Variants in ATP2C2 observed in about 807,000 individuals in gnomAD.
ATP2C2 encodes the protein calcium-transporting ATPase type 2C member 2.
A neutral mutation model predicts 110.8 loss-of-function variants in ATP2C2; 171 were observed. That is an observed-to-expected ratio of 1.54 (90% confidence interval 1.36 to 1.75). The LOEUF is 1.75. Among genes scored for constraint, ATP2C2 ranks in the 40% most tolerant of loss-of-function variants. The pLI is 0.00. For synonymous variants in ATP2C2, 804 were observed against 508.4 expected, an observed-to-expected ratio of 1.58 and a Z score of -7.82; for missense variants, 1,963 against 1,235.0, an observed-to-expected ratio of 1.59 and a Z score of -8.84.
chr16:84,450,611 C>T (rs562341102), intron 17 of ATP2C2, among the ~76,000 whole-genome samples: 6 of 152,222 alleles, frequency 3.9e-5, no homozygotes, highest in South Asian at 2.1e-4. Flanking sequence ...AGGGCGCCAG[C>T]GTCATTGGCG....
At chr16:84,386,499 C>G (rs1054270128) in intron 1 of ATP2C2, among the ~76,000 whole-genome samples, 1 of 152,228 alleles carries the variant, frequency 6.6e-6, no homozygotes, top group Non-Finnish European at 1.5e-5. Flanking sequence ...GGCCACCACT[C>G]TGCCTAGCCG....
chr16:84,445,320 T>G, intron 15 of ATP2C2, among the ~76,000 whole-genome samples: 1 of 151,982 alleles, frequency 6.6e-6, no homozygotes, highest in Non-Finnish European at 1.5e-5. Context: ...GCGATTCTCC[T>G]GCCTCAGCCT....
At chr16:84,461,914 G>C (rs557972304) in intron 25 of ATP2C2, 74 bp from the exon 26 acceptor site, 1 of 1,606,540 alleles carries the variant, frequency 6.2e-7, no homozygotes, top group East Asian at 2.2e-5. Context: ...GCTCAGCGTG[G>C]GCAGTCAGAG....
intron 10 of ATP2C2, among the ~76,000 whole-genome samples, chr16:84,424,328 G>C (rs1225978060): frequency 6.6e-6 from 1 of 152,148 alleles, no homozygotes; most frequent in African/African-American, 2.4e-5. Context: ...GCCCAGACTG[G>C]AGAGCAGTGG....
At chr16:84,459,038 A>G in intron 21 of ATP2C2, 82 bp from the exon 22 acceptor site, 2 of 1,476,442 alleles carry the variant, frequency 1.4e-6, no homozygotes, top group African/African-American at 1.4e-5. Context: ...GCGAGTCACC[A>G]CTGCCCCTTG....
intron 1 of ATP2C2, among the ~76,000 whole-genome samples, chr16:84,378,417 G>A (rs1721893204): frequency 6.6e-6 from 1 of 152,158 alleles, no homozygotes; most frequent in Admixed American, 6.5e-5. Flanking sequence ...AGAATGGAGG[G>A]CAGCATTGGA....
chr16:84,454,518 G>T lies in ATP2C2; in HGVS notation c.1981-300G>T, dbSNP rs552581291. ...TTGATTACTGTTTATTACTGGGACT[G>T]GATAACCTTTATGAGCCTTTACTGA... On this transcript the variant is annotated intron_variant, in intron 20 of 26. Coordinates refer to ENST00000262429, the MANE Select transcript of ATP2C2 (RefSeq NM_014861.4). Among the ~76,000 whole-genome samples the T allele has an allele frequency of 1.5e-4, 23 of 149,912 alleles. No homozygotes were observed. The South Asian group carries it at 3.8e-3, about 25-fold the overall frequency.
chr16:84,449,530 T>C (rs1456605094), intron 17 of ATP2C2, among the ~76,000 whole-genome samples: 1 of 152,206 alleles, frequency 6.6e-6, no homozygotes. Context: ...CTTCATTGAT[T>C]GCTGTGAGGA....
At chr16:84,443,930 G>A (rs1223978552) in intron 15 of ATP2C2, among the ~76,000 whole-genome samples, 1 of 152,144 alleles carries the variant, frequency 6.6e-6, no homozygotes, top group African/African-American at 2.4e-5. Context: ...ACTTTAAGAG[G>A]CTAAGGCGGG....
rs567299403 is a variant in ATP2C2, at chr16:84,460,647, G to A, written c.2334-7G>A. 9.9e-6 allele frequency: 16 copies of A among 1,614,156 alleles called. No individual in the cohort carries two copies. The African/African-American group carries it at 1.3e-4, about 13-fold the overall frequency. ...ATTTCAAAGTGTCTGTGTCTTGTTCGGAGCAGCTTGGGGGTAGAGCCCGTT... is the reference window on the plus strand; with the variant it reads ...ATTTCAAAGTGTCTGTGTCTTGTTCAGAGCAGCTTGGGGGTAGAGCCCGTT... On this transcript the variant is annotated splice_polypyrimidine_tract_variant and splice_region_variant and intron_variant, in intron 23 of 26. Coordinates refer to ENST00000262429, the MANE Select transcript of ATP2C2 (RefSeq NM_014861.4).
At position 84,448,523 on chromosome 16, in the gene ATP2C2, C is replaced by T; in HGVS notation, c.1504-10C>T. The T allele has an allele frequency of 6.2e-7, 1 of 1,602,364 alleles. No individual in the cohort carries two copies. Among genetic ancestry groups the T allele is most frequent in the South Asian group, 1.1e-5 (1 of 90,176 alleles). On this transcript the variant is annotated splice_polypyrimidine_tract_variant and intron_variant, in intron 16 of 26. Transcript: ENST00000262429. ...GTGATAGTGGATTTCTTCCCTTTGT[C>T]TTTTCTAAGGATCAGGAAGACATTT... is the stretch of plus-strand genomic sequence containing the variant.
chr16:84,461,611 C>T, intron 24 of ATP2C2, 103 bp from the exon 25 acceptor site: 2 of 1,052,116 alleles, frequency 1.9e-6, no homozygotes, highest in Non-Finnish European at 3.0e-6. Context: ...GTAAGTGGCT[C>T]CCAGCCATGC....
chr16:84,389,359 G>A (rs971606902), intron 1 of ATP2C2, among the ~76,000 whole-genome samples: 4 of 152,304 alleles, frequency 2.6e-5, no homozygotes, highest in African/African-American at 9.6e-5. Flanking sequence ...GTTGTTAGCT[G>A]CACCCCAGGA....
Position 84,383,787 on chromosome 16 carries a change from GTT to G in ATP2C2, c.100-14692_100-14691del, listed in dbSNP as rs58587781. Among the ~76,000 whole-genome samples the G allele has an allele frequency of 6.3e-3, 633 of 100,794 alleles. 2 individuals carry two copies. Among genetic ancestry groups the G allele is most frequent in the South Asian group, 0.02 (51 of 2,502 alleles). 66.1% of individuals were successfully genotyped at this position (100,794 alleles called of 152,430 possible). A position where few individuals can be genotyped will look rare whatever the true frequency, so the allele number is the denominator to read the frequency against. On this transcript the variant is annotated intron_variant, in intron 1 of 26. Transcript: ENST00000262429. ...GGGGGTGGGGGTGTTGGTTTTGTTG[GTT>G]TTTTTTTTTTTTTTTTTTTGAGACA... is the stretch of plus-strand genomic sequence containing the variant.
chr16:84,426,628 C>A (rs369556174), intron 11 of ATP2C2, among the ~76,000 whole-genome samples: 15 of 152,146 alleles, frequency 9.9e-5, no homozygotes, highest in Admixed American at 1.3e-4. Context: ...TATACCCTCT[C>A]CTAGGGCGAC....
chr16:84,369,068 G>A (rs1431908624), intron 1 of ATP2C2, among the ~76,000 whole-genome samples: 1 of 152,252 alleles, frequency 6.6e-6, no homozygotes, highest in Non-Finnish European at 1.5e-5. Context: ...GACTTGGGCT[G>A]CTTTATGGAT....
chr16:84,416,388 A>G (rs945781929), intron 7 of ATP2C2, among the ~76,000 whole-genome samples: 6 of 152,232 alleles, frequency 3.9e-5, no homozygotes, highest in Non-Finnish European at 8.8e-5. Flanking sequence ...GCTTTGCATG[A>G]TGAAGAATTA....
rs1907775735 is a variant in ATP2C2 at position 84,425,932 on chromosome 16, C to T, written c.986+131C>T. On this transcript the variant is annotated intron_variant, in intron 11 of 26. Coordinates refer to ENST00000262429, the MANE Select transcript of ATP2C2 (RefSeq NM_014861.4). ...GGAAGGTGCAGCCCCGTCACCCAAA[C>T]TCCAGCCTCCCAATAGCATGTTCTC... The T allele has an allele frequency of 9.1e-6, 10 of 1,097,456 alleles. No individual in the cohort carries two copies. The South Asian group carries it at 1.3e-4, about 14-fold the overall frequency. The allele number at this position is 1,097,456 out of a possible 1,614,324, so 68.0% of individuals were successfully genotyped here. A position where few individuals can be genotyped will look rare whatever the true frequency, so the allele number is the denominator to read the frequency against.
chr16:84,424,968 T>G (rs1451651421), intron 10 of ATP2C2, among the ~76,000 whole-genome samples: 1 of 152,126 alleles, frequency 6.6e-6, no homozygotes, highest in Non-Finnish European at 1.5e-5. Context: ...CTAATCTATT[T>G]CATTTGAGTT....
Sources: allele counts gnomAD v4.1 joint callset (sites outside exome capture counted in the v4.1 genomes callset), GRCh38; gene constraint gnomAD v4.1.1; transcripts MANE v1.5; gene names NCBI Gene and HGNC (gene_info 2026-07-23, HGNC 2026-07-21).